Variants in SPATA13 observed in about 807,000 individuals in gnomAD.
SPATA13 encodes the protein spermatogenesis associated 13, also known as spermatogenesis-associated protein 13.
In SPATA13, 50 loss-of-function variants were observed where a neutral mutation model predicts 104.0. That is an observed-to-expected ratio of 0.48 (90% CI 0.38 to 0.61). The LOEUF is 0.61. Ranked by LOEUF, SPATA13 falls within the 20% of genes least tolerant of loss-of-function variation. The pLI is 0.00. For synonymous variants in SPATA13, 606 were observed against 667.5 expected, an observed-to-expected ratio of 0.91 and a Z score of 1.42; for missense variants, 1,524 against 1,690.6, an observed-to-expected ratio of 0.90 and a Z score of 1.73.
At chr13:24,059,203 C>A (rs1192447574) in intron 3 of SPATA13, among the ~76,000 whole-genome samples, 1 of 151,650 alleles carries the variant, frequency 6.6e-6, no homozygotes, top group East Asian at 1.9e-4. Context: ...GATCTCCTGA[C>A]CTCGTAATCC....
chr13:24,171,261 C>T (rs1031500795), intron 1 of SPATA13, among the ~76,000 whole-genome samples: 1 of 152,062 alleles, frequency 6.6e-6, no homozygotes, highest in Non-Finnish European at 1.5e-5. Context: ...ATCACTGCCT[C>T]ATGTGTTCAG....
chr13:24,251,022 G>A (rs1412331559), intron 3 of SPATA13, among the ~76,000 whole-genome samples: 2 of 151,982 alleles, frequency 1.3e-5, no homozygotes, highest in African/African-American at 4.8e-5. Flanking sequence ...ATAAACAAAA[G>A]AAGAAAAAAA....
At chr13:24,202,517 T>TC (rs1247355611) in intron 1 of SPATA13, among the ~76,000 whole-genome samples, 2 of 126,776 alleles carry the variant, frequency 1.6e-5, no homozygotes, top group African/African-American at 6.0e-5. Flanking sequence ...TTTCTTTCTT[T>TC]CCCTTTTTTT....
At chr13:23,982,055 A>G (rs1874928670) in intron 1 of SPATA13, among the ~76,000 whole-genome samples, 2 of 152,254 alleles carry the variant, frequency 1.3e-5, no homozygotes, top group Admixed American at 1.3e-4. Flanking sequence ...TGATTTTAAA[A>G]CATGTAAAGA....
At chr13:24,158,326 C>A (rs1205335458), upstream of SPATA13, among the ~76,000 whole-genome samples, 1 of 152,166 alleles carries the variant, frequency 6.6e-6, no homozygotes, top group African/African-American at 2.4e-5. Flanking sequence ...GGATAGAGAG[C>A]CATGTTGACA....
intron 3 of SPATA13, among the ~76,000 whole-genome samples, chr13:24,154,317 T>C (rs1368187417): frequency 2.0e-5 from 3 of 152,164 alleles, no homozygotes; most frequent in Admixed American, 2.0e-4. Flanking sequence ...TAGGACATAG[T>C]ATATTCAAAC....
chr13:24,291,756 A>ATT (rs71070676), intron 9 of SPATA13, among the ~76,000 whole-genome samples: 1 of 136,468 alleles, frequency 7.3e-6, no homozygotes, highest in Non-Finnish European at 1.6e-5. Flanking sequence ...TTATTTTTTT[A>ATT]TTTTTTTTTT....
intron 3 of SPATA13, among the ~76,000 whole-genome samples, chr13:24,083,611 C>T (rs371067960): frequency 3.9e-5 from 6 of 152,142 alleles, no homozygotes; most frequent in South Asian, 2.1e-4. Context: ...AATAATATTA[C>T]AGGTGTTGGG....
At chr13:23,982,182 T>A (rs1224440937) in intron 1 of SPATA13, among the ~76,000 whole-genome samples, 2 of 152,216 alleles carry the variant, frequency 1.3e-5, no homozygotes, top group East Asian at 3.9e-4. Context: ...TTTGTCAGAT[T>A]TCTTACTTTC....
At chr13:24,268,843 G>C (rs1038469368) in intron 4 of SPATA13, among the ~76,000 whole-genome samples, 14 of 152,174 alleles carry the variant, frequency 9.2e-5, no homozygotes, top group African/African-American at 3.1e-4. Context: ...TTTTTCACTT[G>C]TAGTGCGGGT....
At chr13:24,226,628 C>T (rs1006100419) in intron 2 of SPATA13, among the ~76,000 whole-genome samples, 3 of 152,166 alleles carry the variant, frequency 2.0e-5, no homozygotes, top group Non-Finnish European at 4.4e-5. Context: ...GATTGATTTG[C>T]AGGTATAGAT....
chr13:24,274,635 C>T (rs1357049950), intron 4 of SPATA13, among the ~76,000 whole-genome samples: 5 of 152,254 alleles, frequency 3.3e-5, no homozygotes, highest in East Asian at 1.9e-4. Flanking sequence ...GCTGTGAACA[C>T]GAGCTGCCCG....
chr13:24,249,390 T>C, intron 2 of SPATA13, 87 bp from the exon 3 acceptor site: 1 of 1,422,036 alleles, frequency 7.0e-7, no homozygotes, highest in Non-Finnish European at 9.3e-7. Context: ...GAGGCACGGC[T>C]GTGGTGGTGA....
chr13:24,168,662 A>G (rs1593376012), intron 1 of SPATA13, among the ~76,000 whole-genome samples: 1 of 152,204 alleles, frequency 6.6e-6, no homozygotes, highest in African/African-American at 2.4e-5. Flanking sequence ...AGGGTTTAGA[A>G]ATACAGGCCT....
intron 9 of SPATA13, 50 bp from the exon 10 acceptor site, chr13:24,294,689 C>A: frequency 6.5e-7 from 1 of 1,536,894 alleles, no homozygotes; most frequent in South Asian, 1.2e-5. Context: ...TGCCAGTCCT[C>A]ATTTGTAAGG....
At chr13:24,283,713 A>G (rs2138727889) in intron 4 of SPATA13, among the ~76,000 whole-genome samples, 1 of 152,350 alleles carries the variant, frequency 6.6e-6, no homozygotes, top group South Asian at 2.1e-4. Context: ...TGGTTTTAGT[A>G]ATACTGTTGC....
In SPATA13 at chr13:24,066,707, C is replaced by T. The variant is rs537175180; in HGVS notation, c.-112+49006C>T. Among the ~76,000 whole-genome samples the T allele has an allele frequency of 2.0e-5, 3 of 152,096 alleles. No homozygotes were observed. In the South Asian group the frequency reaches 6.2e-4, roughly 31 times the overall value. On this transcript the variant is annotated intron_variant, in intron 3 of 14. Coordinates refer to the SPATA13 transcript ENST00000424834. Reference sequence around the variant, plus strand: ...TCAGGCCCCCCACCTTCATTCCCCTCCTCACTCTTTCAAACAAGACTCTGC... The same window carrying T: ...TCAGGCCCCCCACCTTCATTCCCCTTCTCACTCTTTCAAACAAGACTCTGC...
chr13:24,043,857 A>G (rs1288811471), intron 3 of SPATA13, among the ~76,000 whole-genome samples: 1 of 152,218 alleles, frequency 6.6e-6, no homozygotes, highest in Non-Finnish European at 1.5e-5. Flanking sequence ...AAGTGGAACA[A>G]ATGAAGTCAC....
chr13:24,122,626 C>T (rs73461006), intron 3 of SPATA13: 659 of 1,349,084 alleles, frequency 4.9e-4, no homozygotes, highest in Non-Finnish European at 6.4e-4. Flanking sequence ...CCTGTAAGAA[C>T]CTTTTTGCAC....
Sources: gnomAD v4.1 joint callset for allele counts (sites outside exome capture counted in the v4.1 genomes callset) on GRCh38, gnomAD v4.1.1 for gene constraint, MANE v1.5 for transcripts, NCBI Gene and HGNC (gene_info 2026-07-23, HGNC 2026-07-21) for gene names.